The following CST3 variants were observed in gnomAD, a reference collection of about 807,000 sequenced individuals.
CST3 encodes the protein cystatin-C.
Under a neutral mutation model 9.0 loss-of-function variants are expected in CST3, and 14 were observed. The ratio of observed to expected loss-of-function variants is 1.56; its 90% CI spans 1.03 to 2.44. The LOEUF is 2.44. CST3 is among the 30% of genes most tolerant of loss of function. The pLI is 0.00. For synonymous variants in CST3, 96 were observed against 90.2 expected, an observed-to-expected ratio of 1.06 and a Z score of -0.37; for missense variants, 237 against 204.3, an observed-to-expected ratio of 1.16 and a Z score of -0.98.
chr20:23,634,036 T>A (rs1276102066), intron 2 of CST3, 37 bp from the exon 3 acceptor site: 6 of 1,570,610 alleles, frequency 3.8e-6, no homozygotes, highest in Non-Finnish European at 5.3e-6. Context: ...CAGTGTGGGT[T>A]ACAGTTCAAA....
downstream of CST3, among the ~76,000 whole-genome samples, chr20:23,630,772 T>TAA (rs34339274): frequency 8.0e-4 from 109 of 136,638 alleles, no homozygotes; most frequent in African/African-American, 1.9e-3. Flanking sequence ...AAGGCAGAGT[T>TAA]AAAAAAAAAA....
At chr20:23,634,207 C>A (rs1979567591) in intron 2 of CST3, among the ~76,000 whole-genome samples, 1 of 152,150 alleles carries the variant, frequency 6.6e-6, no homozygotes, top group Non-Finnish European at 1.5e-5. Flanking sequence ...CCAACTCTAC[C>A]TGGTGGCACT....
chr20:23,635,187 C>T, intron 2 of CST3, 67 bp downstream of exon 2: 1 of 1,228,756 alleles, frequency 8.1e-7, no homozygotes, highest in Non-Finnish European at 1.2e-6. Flanking sequence ...GTGCATCACA[C>T]ACACACACAC....
chr20:23,634,796 C>A (rs888977243), intron 2 of CST3, among the ~76,000 whole-genome samples: 12 of 152,130 alleles, frequency 7.9e-5, no homozygotes, highest in Non-Finnish European at 2.9e-5. Flanking sequence ...CATGCACACA[C>A]ATAGGCATCT....
chr20:23,635,605 C>G (rs1236291267), intron 1 of CST3, among the ~76,000 whole-genome samples: 1 of 152,226 alleles, frequency 6.6e-6, no homozygotes, highest in Admixed American at 6.5e-5. Context: ...CAAGGATTAA[C>G]TGAATTCCGC....
downstream of CST3, chr20:23,629,045 C>T (rs1979351820): frequency 6.6e-6 from 1 of 152,238 alleles, no homozygotes; most frequent in Non-Finnish European, 1.5e-5. Flanking sequence ...ACCGTTAAGC[C>T]TATGTGGGTC....
chr20:23,631,015 T>A (rs756812209), downstream of CST3, among the ~76,000 whole-genome samples: 4 of 152,188 alleles, frequency 2.6e-5, no homozygotes, highest in Admixed American at 6.5e-5. Flanking sequence ...TTAAACGTTG[T>A]CAATTTTTTT....
downstream of CST3, among the ~76,000 whole-genome samples, chr20:23,632,807 C>G (rs1233185714): frequency 3.3e-5 from 5 of 152,210 alleles, no homozygotes; most frequent in African/African-American, 1.2e-4. Flanking sequence ...TGGGCTGTGT[C>G]TTAGGACTGT....
chr20:23,635,383 A>T lies in CST3; in HGVS notation c.244-16T>A. The T allele has an allele frequency of 6.2e-7, 1 of 1,606,208 alleles. No individual in the cohort carries two copies. Among genetic ancestry groups the T allele is most frequent in the East Asian group, 2.2e-5 (1 of 44,764 alleles). On this transcript the variant is annotated splice_polypyrimidine_tract_variant and intron_variant, in intron 1 of 2. Coordinates refer to ENST00000376925, the MANE Select transcript of CST3 (RefSeq NM_000099.4). ...CAGCTACGATCTACACATGTGAAAG[A>T]GCAGGAGGCAGGGACAGCACGTTCT...
At chr20:23,634,781 G>A (rs1404260317) in intron 2 of CST3, among the ~76,000 whole-genome samples, 2 of 151,942 alleles carry the variant, frequency 1.3e-5, no homozygotes, top group Non-Finnish European at 1.5e-5. Flanking sequence ...ACACCACCCC[G>A]TCTACATGCA....
In CST3 at chr20:23,637,615, C is replaced by G. The variant is rs1202598930; in HGVS notation, c.243+5G>C. Reference sequence around the variant, plus strand: ...GCTTCGGACCCTGCGGGGGGCGGCACGCACCTGCTTGCGGGCGCGCACCAC... The same window carrying G: ...GCTTCGGACCCTGCGGGGGGCGGCAGGCACCTGCTTGCGGGCGCGCACCAC... On this transcript the variant is annotated splice_donor_5th_base_variant and intron_variant, in intron 1 of 2. Transcript: ENST00000376925. The G allele has an allele frequency of 1.3e-6, 2 of 1,515,996 alleles. No individual in the cohort carries two copies. The highest frequency in any genetic ancestry group is 1.8e-6 in the Non-Finnish European group (2 of 1,132,790). The allele number at this position is 1,515,996 out of a possible 1,614,324, so 93.9% of individuals were successfully genotyped here. A position where few individuals can be genotyped will look rare whatever the true frequency, so the allele number is the denominator to read the frequency against.
At chr20:23,634,421 C>A (rs150531460) in intron 2 of CST3, among the ~76,000 whole-genome samples, 231 of 152,308 alleles carry the variant, frequency 1.5e-3, no homozygotes, top group Non-Finnish European at 2.6e-3. Flanking sequence ...AGTCATAGCA[C>A]ATGGGGTGGT....
chr20:23,632,849 T>C (rs1363907914), downstream of CST3, among the ~76,000 whole-genome samples: 1 of 152,208 alleles, frequency 6.6e-6, no homozygotes, highest in Non-Finnish European at 1.5e-5. Flanking sequence ...AGATCCACTA[T>C]TCTATAGGAT....
chr20:23,636,589 C>G (rs1388003736), intron 1 of CST3, among the ~76,000 whole-genome samples: 1 of 152,172 alleles, frequency 6.6e-6, no homozygotes, highest in Non-Finnish European at 1.5e-5. Context: ...CTCTGCAGGA[C>G]AAGGTGCCAG....
downstream of CST3, chr20:23,629,147 G>A (rs6036475): frequency 2.0e-4 from 30 of 152,340 alleles, no homozygotes; most frequent in African/African-American, 7.0e-4. Context: ...GCTTAGCCAG[G>A]GTCAAGTGCT....
At position 23,634,071 on chromosome 20, in the gene CST3, A is replaced by G. The variant is rs1025705925; in HGVS notation, c.358-72T>C. ...AGCAGAAGATGCCCAGGCACGGGAC[A>G]TCAGAGTGGGAGTGAAGAAGGATGG... On this transcript the variant is annotated intron_variant, in intron 2 of 2. Coordinates refer to ENST00000376925, the MANE Select transcript of CST3 (RefSeq NM_000099.4). The G allele has an allele frequency of 3.9e-5, 49 of 1,247,158 alleles. No individual in the cohort carries two copies. In the Middle Eastern group the frequency reaches 7.5e-4, roughly 19 times the overall value. 77.3% of individuals were successfully genotyped at this position (1,247,158 alleles called of 1,614,324 possible).
chr20:23,634,627 C>A (rs1297097044), intron 2 of CST3, among the ~76,000 whole-genome samples: 1 of 152,024 alleles, frequency 6.6e-6, no homozygotes, highest in Non-Finnish European at 1.5e-5. Flanking sequence ...TTAGACAGAG[C>A]CCTTTCTCCC....
exon 4 of CST3, chr20:23,627,375 T>C (rs535512116): frequency 1.3e-5 from 2 of 152,362 alleles, no homozygotes; most frequent in African/African-American, 4.8e-5. Flanking sequence ...TGTCATTCTC[T>C]TTTATGCCCG....
intron 1 of CST3, 66 bp from the exon 2 acceptor site, chr20:23,635,433 C>A (rs1485131549): frequency 8.7e-6 from 12 of 1,386,230 alleles, no homozygotes; most frequent in Non-Finnish European, 1.2e-5. Context: ...CACACAGGCA[C>A]TTCACTGTGA....
Sources: allele counts gnomAD v4.1 joint callset (sites outside exome capture counted in the v4.1 genomes callset), GRCh38; gene constraint gnomAD v4.1.1; transcripts MANE v1.5; gene names NCBI Gene and HGNC (gene_info 2026-07-23, HGNC 2026-07-21).